Variants in HSD17B12 observed in about 807,000 individuals in gnomAD.
The protein encoded by HSD17B12 is very-long-chain 3-oxoacyl-CoA reductase.
Under a neutral mutation model 39.3 loss-of-function variants are expected in HSD17B12, and 32 were observed. That is an observed-to-expected ratio of 0.81 (90% CI 0.61 to 1.09). The LOEUF is 1.09. Ranked by LOEUF, HSD17B12 falls within the 50% of genes least tolerant of loss-of-function variation. HSD17B12 has a pLI of 0.00. For missense variants in HSD17B12, 342 were observed against 382.9 expected, an observed-to-expected ratio of 0.89 and a Z score of 0.89; for synonymous variants, 150 against 146.7, an observed-to-expected ratio of 1.02 and a Z score of -0.16.
In HSD17B12 at chr11:43,750,971, A is replaced by C; in HGVS notation, c.207+14A>C. Reference sequence around the variant, plus strand: ...TATGCAGAAGAGGTAGGTGATTTTCAAGATCTTTCCTTTTAATATAAAAAA... The same window carrying C: ...TATGCAGAAGAGGTAGGTGATTTTCCAGATCTTTCCTTTTAATATAAAAAA... On this transcript the variant is annotated intron_variant, in intron 2 of 10. Transcript: ENST00000278353. 1 of 1,550,952 alleles carries C rather than the reference A, an allele frequency of 6.4e-7. No homozygotes were observed. The highest frequency in any genetic ancestry group is 8.9e-7 in the Non-Finnish European group (1 of 1,129,906).
intron 1 of HSD17B12, among the ~76,000 whole-genome samples, chr11:43,721,234 G>C (rs1387018874): frequency 1.3e-5 from 2 of 151,840 alleles, no homozygotes; most frequent in African/African-American, 4.8e-5. Flanking sequence ...GTTGGGGTGG[G>C]GATATTTTAG....
At chr11:43,576,077 A>T in the HSD17B12 span, among the ~76,000 whole-genome samples, 2 of 152,088 alleles carry the variant, frequency 1.3e-5, no homozygotes, top group Non-Finnish European at 1.5e-5. Context: ...TTTCCTCAGC[A>T]TGTAGGGAAT....
At chr11:43,784,833 C>T (rs1325401742) in intron 3 of HSD17B12, among the ~76,000 whole-genome samples, 1 of 152,154 alleles carries the variant, frequency 6.6e-6, no homozygotes, top group Non-Finnish European at 1.5e-5. Flanking sequence ...ATGTTCTAAG[C>T]AGGTTTGTTC....
At chr11:43,841,949 A>G (rs1951430580) in intron 9 of HSD17B12, among the ~76,000 whole-genome samples, 2 of 152,298 alleles carry the variant, frequency 1.3e-5, no homozygotes, top group Middle Eastern at 3.4e-3. Context: ...TCTCATAACA[A>G]TCTCATACAA....
chr11:43,677,619 G>A (rs1052049656), upstream of HSD17B12, among the ~76,000 whole-genome samples: 1 of 143,232 alleles, frequency 7.0e-6, no homozygotes, highest in African/African-American at 2.5e-5. Flanking sequence ...ACAGGCCCCA[G>A]TGTGTGATGT....
chr11:43,736,756 C>T (rs1055008191), intron 1 of HSD17B12, among the ~76,000 whole-genome samples: 1 of 151,922 alleles, frequency 6.6e-6, no homozygotes, highest in Non-Finnish European at 1.5e-5. Context: ...TAACTTGCAC[C>T]CTGCATGCTT....
the HSD17B12 span, among the ~76,000 whole-genome samples, chr11:43,675,597 A>G: frequency 1.4e-5 from 2 of 143,922 alleles, no homozygotes; most frequent in Non-Finnish European, 3.1e-5. Context: ...AGAAAATGAT[A>G]TCTAATTTAC....
At chr11:43,565,305 C>T in the HSD17B12 span, among the ~76,000 whole-genome samples, 1 of 152,152 alleles carries the variant, frequency 6.6e-6, no homozygotes, top group Non-Finnish European at 1.5e-5. Flanking sequence ...TGGACAGCTT[C>T]CCTCCACTGA....
At chr11:43,616,380 C>A in the HSD17B12 span, among the ~76,000 whole-genome samples, 4 of 133,828 alleles carry the variant, frequency 3.0e-5, no homozygotes, top group Non-Finnish European at 3.1e-5. Context: ...TGCACTCCAG[C>A]CTGGGGCGAC....
the HSD17B12 span, among the ~76,000 whole-genome samples, chr11:43,613,918 C>T: frequency 2.0e-5 from 3 of 152,288 alleles, no homozygotes; most frequent in South Asian, 4.1e-4. Context: ...CTGCCCACCT[C>T]GGCCTCCCAA....
At chr11:43,557,444 G>T in the HSD17B12 span, among the ~76,000 whole-genome samples, 1 of 152,338 alleles carries the variant, frequency 6.6e-6, no homozygotes, top group African/African-American at 2.4e-5. Flanking sequence ...TGGTGGTGGT[G>T]ATGGGAGCGG....
In HSD17B12 at chr11:43,714,336, C is replaced by A. The variant is rs867963248; in HGVS notation, c.160+33349C>A. ...GGAAGGGATCCAGTTTCAGCTTTCTCCATATGGCTAGCCAGTTTTCCCAGC... is the reference window on the plus strand; with the variant it reads ...GGAAGGGATCCAGTTTCAGCTTTCTACATATGGCTAGCCAGTTTTCCCAGC... On this transcript the variant is annotated intron_variant, in intron 1 of 10. Coordinates refer to ENST00000278353, the MANE Select transcript of HSD17B12 (RefSeq NM_016142.3). Among the ~76,000 whole-genome samples, 9 of 151,936 alleles carry A rather than the reference C, an allele frequency of 5.9e-5. No homozygotes were observed. The Middle Eastern group carries it at 0.01, about 172-fold the overall frequency.
At chr11:43,765,505 T>C (rs543096452) in intron 3 of HSD17B12, among the ~76,000 whole-genome samples, 2 of 152,168 alleles carry the variant, frequency 1.3e-5, no homozygotes, top group East Asian at 1.9e-4. Flanking sequence ...ATTTTGCCTC[T>C]TCTTGTAGTT....
intron 3 of HSD17B12, among the ~76,000 whole-genome samples, chr11:43,781,430 A>G (rs1950764616): frequency 6.6e-6 from 1 of 152,244 alleles, no homozygotes; most frequent in South Asian, 2.1e-4. Context: ...GTTTTAAAAA[A>G]AGAATACACC....
chr11:43,665,926 C>T, the HSD17B12 span, among the ~76,000 whole-genome samples: 88 of 152,300 alleles, frequency 5.8e-4, no homozygotes, highest in Non-Finnish European at 1.8e-4. Flanking sequence ...TTCTTGTCAA[C>T]CCACGGAGTA....
At chr11:43,609,398 C>G in the HSD17B12 span, among the ~76,000 whole-genome samples, 1 of 151,098 alleles carries the variant, frequency 6.6e-6, no homozygotes, top group Non-Finnish European at 1.5e-5. Flanking sequence ...TAGGGTCTAA[C>G]TCTGTTGTCC....
At chr11:43,770,921 A>G (rs572005646) in intron 3 of HSD17B12, among the ~76,000 whole-genome samples, 14 of 152,304 alleles carry the variant, frequency 9.2e-5, no homozygotes, top group African/African-American at 3.1e-4. Flanking sequence ...ATTATGGTAT[A>G]TTTATAAATA....
intron 1 of HSD17B12, among the ~76,000 whole-genome samples, chr11:43,724,865 A>G (rs976615995): frequency 2.6e-5 from 4 of 152,214 alleles, no homozygotes; most frequent in Non-Finnish European, 5.9e-5. Flanking sequence ...AATTCCTGCA[A>G]TCAAGAGAAA....
chr11:43,828,634 A>G (rs2135106346), intron 6 of HSD17B12, among the ~76,000 whole-genome samples: 1 of 152,312 alleles, frequency 6.6e-6, no homozygotes, highest in East Asian at 1.9e-4. Flanking sequence ...TTTCTGGTGC[A>G]GCAATTATCA....
Sources: gnomAD v4.1 joint callset for allele counts (sites outside exome capture counted in the v4.1 genomes callset) on GRCh38, gnomAD v4.1.1 for gene constraint, MANE v1.5 for transcripts, NCBI Gene and HGNC (gene_info 2026-07-23, HGNC 2026-07-21) for gene names.